The following CIMAP1B variants were observed in gnomAD, a reference collection of about 807,000 sequenced individuals.
The protein encoded by CIMAP1B is ciliary microtubule associated protein 1B, also known as orf2 5' to PD-ECGF/TP.
At chr22:50,531,080 G>A in the CIMAP1B span, 1 of 1,601,334 alleles carries the variant, frequency 6.2e-7, no homozygotes, top group Admixed American at 1.7e-5. Flanking sequence ...GCAGGGCTCG[G>A]GGGTAGTGGG....
chr22:50,531,651 C>T, the CIMAP1B span: 1 of 1,376,828 alleles, frequency 7.3e-7, no homozygotes, highest in South Asian at 1.7e-5. Context: ...GTGCCGCGCA[C>T]GGTCATGCGA....
the CIMAP1B span, chr22:50,531,567 G>A: frequency 7.0e-7 from 1 of 1,426,398 alleles, no homozygotes; most frequent in East Asian, 2.7e-5. Context: ...CGGGGGTCCT[G>A]ACCAGGTCCC....
At chr22:50,532,312 G>A in the CIMAP1B span, 1 of 463,440 alleles carries the variant, frequency 2.2e-6, no homozygotes. Flanking sequence ...CGGACTCCAG[G>A]CGCATTAGGC....
chr22:50,531,139 C>T, the CIMAP1B span: 4 of 1,589,274 alleles, frequency 2.5e-6, no homozygotes, highest in African/African-American at 1.3e-5. Flanking sequence ...GGGCGGTCCC[C>T]GGTCTCGAGT....
At chr22:50,531,891 G>A in the CIMAP1B span, 3 of 1,309,352 alleles carry the variant, frequency 2.3e-6, no homozygotes, top group Middle Eastern at 4.2e-4. Context: ...AGCCCCGAGC[G>A]CAGGCCTCCC....
the CIMAP1B span, chr22:50,532,335 TC>T: frequency 2.7e-6 from 1 of 366,128 alleles, no homozygotes; most frequent in African/African-American, 2.1e-5. Context: ...GGACGTGAAC[TC>T]GCGGGGGCCA....
At chr22:50,531,069 G>C in the CIMAP1B span, 1 of 1,606,060 alleles carries the variant, frequency 6.2e-7, no homozygotes, top group East Asian at 2.2e-5. Context: ...CTGGGGAGGA[G>C]GCAGGGCTCG....
the CIMAP1B span, chr22:50,532,128 G>C: frequency 7.5e-7 from 1 of 1,332,672 alleles, no homozygotes; most frequent in Non-Finnish European, 9.7e-7. Flanking sequence ...ACAGAAGGCG[G>C]TGGCCGCGGC....
At chr22:50,530,581 C>T in the CIMAP1B span, 19 of 1,573,634 alleles carry the variant, frequency 1.2e-5, no homozygotes, top group Admixed American at 3.2e-4. Context: ...GGAGACACCG[C>T]TGACCTCGCG....
chr22:50,531,754 C>A, the CIMAP1B span: 2 of 1,372,452 alleles, frequency 1.5e-6, no homozygotes, highest in Non-Finnish European at 1.9e-6. Flanking sequence ...GCGGCCGCGA[C>A]GGGTCATGCA....
the CIMAP1B span, chr22:50,531,125 C>T: frequency 9.4e-6 from 15 of 1,587,812 alleles, no homozygotes; most frequent in African/African-American, 6.7e-5. Flanking sequence ...TCCCAGCTCC[C>T]GGAGGGCGGT....
At chr22:50,531,929 C>A in the CIMAP1B span, 13 of 1,311,738 alleles carry the variant, frequency 9.9e-6, no homozygotes, top group Non-Finnish European at 1.1e-5. Context: ...CTCCCCCAGG[C>A]GCCGTCCCAC....
At chr22:50,531,341 C>T in the CIMAP1B span, 1 of 1,458,744 alleles carries the variant, frequency 6.9e-7, no homozygotes, top group Non-Finnish European at 9.4e-7. Flanking sequence ...TGCGTGGGAG[C>T]CTGGTGGGTA....
At chr22:50,532,201 G>A in the CIMAP1B span, 3 of 1,239,018 alleles carry the variant, frequency 2.4e-6, no homozygotes, top group African/African-American at 4.7e-5. Context: ...CGCGGGGCGG[G>A]GCGGGGCCTG....
the CIMAP1B span, chr22:50,531,790 T>C: frequency 0.014 from 19,331 of 1,352,536 alleles, 2,432 homozygotes; most frequent in African/African-American, 0.27. Context: ...GCATCCGAGT[T>C]AGCGTCTGGC....
At chr22:50,531,990 A>G in the CIMAP1B span, 2 of 1,342,066 alleles carry the variant, frequency 1.5e-6, no homozygotes, top group Non-Finnish European at 1.9e-6. Flanking sequence ...GGCAGCTTGT[A>G]TTTGGGCCCG....
chr22:50,532,210 T>C, the CIMAP1B span: 217 of 1,183,704 alleles, frequency 1.8e-4, no homozygotes, highest in Non-Finnish European at 2.2e-4. Context: ...GGGCGGGGCC[T>C]GGACCGTATC....
At chr22:50,531,653 G>A in the CIMAP1B span, 27 of 1,376,850 alleles carry the variant, frequency 2.0e-5, no homozygotes, top group South Asian at 4.7e-4. Context: ...GCCGCGCACG[G>A]TCATGCGAGC....
the CIMAP1B span, chr22:50,530,565 G>A: frequency 6.3e-7 from 1 of 1,584,554 alleles, no homozygotes; most frequent in African/African-American, 1.3e-5. Context: ...CCGGTGCTGC[G>A]GGCCCGGAGA....
Sources: gnomAD v4.1 joint callset for allele counts on GRCh38, gnomAD v4.1.1 for gene constraint, MANE v1.5 for transcripts, NCBI Gene and HGNC (gene_info 2026-07-23, HGNC 2026-07-21) for gene names.